Variants in ZC3H12C observed in about 807,000 individuals in gnomAD.
The protein encoded by ZC3H12C is zinc finger CCCH-type containing 12C.
In ZC3H12C, 20 loss-of-function variants were observed where a neutral mutation model predicts 76.3. The ratio of observed to expected loss-of-function variants is 0.26; its 90% CI spans 0.18 to 0.38. The LOEUF (loss-of-function observed/expected upper bound fraction) is 0.38. Among genes scored for constraint, ZC3H12C ranks in the 10% least tolerant of loss-of-function variants. The pLI is 1.00. For missense variants in ZC3H12C, 874 were observed against 1,086.5 expected (o/e 0.80, Z 2.75); for synonymous variants, 352 against 399.6 (o/e 0.88, Z 1.42).
At chr11:110,128,124 CTT>C (rs146627769) in intron 1 of ZC3H12C, among the ~76,000 whole-genome samples, 15 of 147,474 alleles carry the variant, frequency 1.0e-4, no homozygotes, top group East Asian at 7.9e-4. Context: ...ACTACACTGT[CTT>C]TTTTTTTTTT....
chr11:110,139,869 C>CTTTT (rs58867910), intron 2 of ZC3H12C, among the ~76,000 whole-genome samples: 63 of 131,496 alleles, frequency 4.8e-4, no homozygotes, highest in African/African-American at 1.1e-3. Context: ...CATATATTTT[C>CTTTT]TTTTTTTTTT....
intron 1 of ZC3H12C, among the ~76,000 whole-genome samples, chr11:110,122,961 A>G (rs1472925286): frequency 6.6e-6 from 1 of 152,226 alleles, no homozygotes; most frequent in Non-Finnish European, 1.5e-5. Flanking sequence ...GGACAAAGGG[A>G]TAATGCACAT....
At chr11:110,128,502 C>G (rs748215982) in intron 1 of ZC3H12C, among the ~76,000 whole-genome samples, 8 of 152,078 alleles carry the variant, frequency 5.3e-5, no homozygotes, top group Non-Finnish European at 8.8e-5. Context: ...ATTCCTCCTC[C>G]TCCTAAATTA....
chr11:110,142,226 A>C (rs1444869909), intron 2 of ZC3H12C, among the ~76,000 whole-genome samples: 1 of 152,224 alleles, frequency 6.6e-6, no homozygotes, highest in East Asian at 1.9e-4. Flanking sequence ...TATAATTCTA[A>C]GTACATAATT....
chr11:110,116,209 G>A (rs1042816893), intron 1 of ZC3H12C, among the ~76,000 whole-genome samples: 4 of 152,050 alleles, frequency 2.6e-5, no homozygotes, highest in Non-Finnish European at 5.9e-5. Context: ...ATTTCCAAGC[G>A]TTCTTACACT....
chr11:110,142,005 C>G (rs1335174642), intron 2 of ZC3H12C, among the ~76,000 whole-genome samples: 2 of 152,138 alleles, frequency 1.3e-5, no homozygotes, highest in Non-Finnish European at 2.9e-5. Context: ...AAGTAACATT[C>G]ATTAAAGGAT....
In ZC3H12C at chr11:110,165,143, A is replaced by T. The variant is rs572156337; in HGVS notation, c.2058A>T (p.Arg686Ser). 5 of 1,613,700 alleles carry T rather than the reference A, an allele frequency of 3.1e-6. No individual in the cohort carries two copies. The highest frequency in any genetic ancestry group is 4.2e-6 in the Non-Finnish European group (5 of 1,179,886). ...FLQNFHDPLT[R>S]GQSYSHEEPK... ...AGAATTTCCACGACCCCTTAACCAG[A>T]GGGCAAAGTTACAGTCACGAAGAAC... The change falls in exon 6 of 6, where the codon AGA becomes AGT. Residue 686 changes from arginine (R) to serine (S), a missense_variant. This residue lies in a region of ZC3H12C where 395 missense variants were observed against 434.4 expected (regional missense o/e 0.91). Transcript: ENST00000278590.
intron 1 of ZC3H12C, among the ~76,000 whole-genome samples, chr11:110,102,036 A>G (rs2134144749): frequency 6.6e-6 from 1 of 151,880 alleles, no homozygotes; most frequent in East Asian, 1.9e-4. Context: ...GGTACCACCA[A>G]GAACTCTGAT....
chr11:110,113,310 A>G lies in ZC3H12C; in HGVS notation c.21+19878A>G, dbSNP rs1861468819. Among the ~76,000 whole-genome samples, 3 of 152,290 alleles carry G rather than the reference A, an allele frequency of 2.0e-5. No homozygotes were observed. In the South Asian group the frequency reaches 6.2e-4, roughly 32 times the overall value. On this transcript the variant is annotated intron_variant, in intron 1 of 5. Coordinates refer to ENST00000278590, the MANE Select transcript of ZC3H12C (RefSeq NM_033390.2). ...ATTATGAATGTAAGCAACAAACCCA[A>G]TGTTAATAGCAGTATTCACCCATAG...
intron 2 of ZC3H12C, among the ~76,000 whole-genome samples, chr11:110,148,134 T>G (rs1297141538): frequency 2.0e-5 from 3 of 152,248 alleles, no homozygotes; most frequent in Non-Finnish European, 4.4e-5. Flanking sequence ...CTCCAGTTTC[T>G]TAATTCATTC....
At chr11:110,157,544 T>G (rs1862400954) in intron 3 of ZC3H12C, among the ~76,000 whole-genome samples, 1 of 149,942 alleles carries the variant, frequency 6.7e-6, no homozygotes, top group African/African-American at 2.4e-5. Context: ...CAAGCAATTC[T>G]CCTGCCTCAG....
intron 1 of ZC3H12C, among the ~76,000 whole-genome samples, chr11:110,094,671 G>T (rs1316315276): frequency 6.6e-6 from 1 of 152,170 alleles, no homozygotes; most frequent in African/African-American, 2.4e-5. Flanking sequence ...TTGACTACAT[G>T]ATAGCTTCAT....
rs1367624210 is a variant in ZC3H12C at position 110,170,908 on chromosome 11, C to T, written c.*5171C>T. On this transcript the variant is annotated 3_prime_UTR_variant, in exon 6 of 6. Coordinates refer to ENST00000278590, the MANE Select transcript of ZC3H12C (RefSeq NM_033390.2). ...ACTTTCTGTTAACTTAATTATTACTCCTGTTGCAGTGTTACTGTTATGTAT... is the reference window on the plus strand; with the variant it reads ...ACTTTCTGTTAACTTAATTATTACTTCTGTTGCAGTGTTACTGTTATGTAT... 2.0e-5 allele frequency: 3 copies of T among 152,150 alleles called. No homozygotes were observed. The highest frequency in any genetic ancestry group is 4.4e-5 in the Non-Finnish European group (3 of 68,024). 9.4% of individuals were successfully genotyped at this position (152,150 alleles called of 1,614,324 possible). A position where few individuals can be genotyped will look rare whatever the true frequency, so the allele number is the denominator to read the frequency against.
chr11:110,141,098 C>A (rs924564509), intron 2 of ZC3H12C, among the ~76,000 whole-genome samples: 1 of 151,222 alleles, frequency 6.6e-6, no homozygotes, highest in African/African-American at 2.4e-5. Flanking sequence ...TTATACTCAG[C>A]CCCGCAAAGA....
At chr11:110,096,600 TTTA>T (rs202047698) in intron 1 of ZC3H12C, among the ~76,000 whole-genome samples, 2,048 of 152,346 alleles carry the variant, frequency 0.013, 55 homozygotes, top group African/African-American at 0.046. Context: ...GCAGTCTGAC[TTTA>T]TAACCCATGA....
intron 1 of ZC3H12C, among the ~76,000 whole-genome samples, chr11:110,094,430 G>C (rs761442222): frequency 6.6e-6 from 1 of 152,144 alleles, no homozygotes; most frequent in East Asian, 1.9e-4. Flanking sequence ...TTTTTCACTT[G>C]TTACGTGCTT....
rs374593490 is a variant in ZC3H12C, at chr11:110,112,998, C to A, written c.21+19566C>A. Among the ~76,000 whole-genome samples the A allele has an allele frequency of 1.1e-3, 83 of 77,952 alleles. 1 individual carries two copies. The East Asian group carries it at 0.049, about 46-fold the overall frequency. 51.1% of individuals were successfully genotyped at this position (77,952 alleles called of 152,430 possible). A position where few individuals can be genotyped will look rare whatever the true frequency, so the allele number is the denominator to read the frequency against. ...TGGTTTAAAGTTCTTATCGCCCCCC[C>A]CTACCAAAAAAAAAGATTTAAAAAA... On this transcript the variant is annotated intron_variant, in intron 1 of 5. Coordinates refer to ENST00000278590, the MANE Select transcript of ZC3H12C (RefSeq NM_033390.2).
At chr11:110,100,922 G>A (rs1861202627) in intron 1 of ZC3H12C, among the ~76,000 whole-genome samples, 1 of 152,208 alleles carries the variant, frequency 6.6e-6, no homozygotes, top group Non-Finnish European at 1.5e-5. Context: ...GCATGTGAAA[G>A]CCAAGCTAGG....
At chr11:110,117,693 A>G (rs896004181) in intron 1 of ZC3H12C, among the ~76,000 whole-genome samples, 1 of 134,868 alleles carries the variant, frequency 7.4e-6, no homozygotes, top group African/African-American at 2.8e-5. Context: ...ATATACACAC[A>G]CACATATATA....
Sources: allele counts gnomAD v4.1 joint callset (sites outside exome capture counted in the v4.1 genomes callset), GRCh38; gene constraint gnomAD v4.1.1; regional missense constraint gnomAD v4.1.1; transcripts MANE v1.5; gene names NCBI Gene and HGNC (gene_info 2026-07-23, HGNC 2026-07-21).